PINX1: variants seen among roughly 807,000 people sequenced by gnomAD.
PINX1 encodes PIN2 (TERF1) interacting telomerase inhibitor 1.
A neutral mutation model predicts 25.4 loss-of-function variants in PINX1; 34 were observed. That is an observed-to-expected ratio of 1.34 (90% CI 1.02 to 1.78). The LOEUF (loss-of-function observed/expected upper bound fraction) is 1.78, where lower values mean the gene tolerates loss of function less well. PINX1 is among the 40% of genes most tolerant of loss of function. The probability of loss-of-function intolerance (pLI) is 0.00; values close to 1 mark genes in which losing one functional copy is unlikely to be tolerated. For synonymous variants in PINX1, 197 were observed against 147.7 expected (o/e 1.33, Z -2.42); for missense variants, 592 against 404.9 (o/e 1.46, Z -3.97).
At chr8:10,807,752 A>T (rs1586177359) in intron 6 of PINX1, among the ~76,000 whole-genome samples, 1 of 152,244 alleles carries the variant, frequency 6.6e-6, no homozygotes. Flanking sequence ...CAGTATTAAT[A>T]GAGATTTTCA....
chr8:10,766,006 C>T (rs1490904778), intron 6 of PINX1, 90 bp from the exon 7 acceptor site: 28 of 1,293,864 alleles, frequency 2.2e-5, no homozygotes, highest in Non-Finnish European at 3.0e-5. Context: ...GGCGCTCACA[C>T]CTGGCACCCA....
At chr8:10,785,498 AAC>A (rs1379101759) in intron 6 of PINX1, among the ~76,000 whole-genome samples, 1 of 152,208 alleles carries the variant, frequency 6.6e-6, no homozygotes, top group Non-Finnish European at 1.5e-5. Context: ...TACTATAAAA[AAC>A]ACTTTCAGGT....
At chr8:10,774,074 T>C (rs897114337) in intron 6 of PINX1, among the ~76,000 whole-genome samples, 6 of 152,180 alleles carry the variant, frequency 3.9e-5, no homozygotes, top group African/African-American at 1.4e-4. Flanking sequence ...ACAGCTTTGA[T>C]AAACAGCTGA....
chr8:10,771,720 C>T (rs1233302302), intron 6 of PINX1, among the ~76,000 whole-genome samples: 4 of 152,228 alleles, frequency 2.6e-5, no homozygotes, highest in Non-Finnish European at 5.9e-5. Context: ...CTTGTCTGCA[C>T]ATCAGGCAGG....
chr8:10,826,631 C>A (rs1238130771), intron 4 of PINX1, among the ~76,000 whole-genome samples: 1 of 152,214 alleles, frequency 6.6e-6, no homozygotes, highest in East Asian at 1.9e-4. Context: ...AACAGCTGAG[C>A]AACCCCTGGG....
chr8:10,765,576 T>G lies in PINX1; in HGVS notation c.812A>C (p.Lys271Thr). The G allele has an allele frequency of 6.2e-7, 1 of 1,613,762 alleles. No homozygotes were observed. Among genetic ancestry groups the G allele is most frequent in the Non-Finnish European group, 8.5e-7 (1 of 1,179,874 alleles). ...LRGPCWDQSS[K>T]ASAQDAGDHV... ...GTCCCCTGCATCCTGAGCAGAGGCC[T>G]TGGAACTCTGGTCCCAGCAGGGGCC... The change falls in exon 7 of 7, where the codon AAG becomes ACG. Residue 271 changes from lysine (K) to threonine (T), a missense_variant. Coordinates refer to ENST00000314787, the MANE Select transcript of PINX1 (RefSeq NM_017884.6).
In PINX1 at chr8:10,831,540, T is replaced by C. The variant is rs6991526; in HGVS notation, c.301+125A>G. 0.38 allele frequency: 254,951 copies of C among 674,466 alleles called. 52,650 individuals are homozygous for C. Among genetic ancestry groups the C allele is most frequent in the African/African-American group, 0.67 (37,619 of 56,444 alleles). The allele number at this position is 674,466 out of a possible 1,614,324, so 41.8% of individuals were successfully genotyped here. A position where few individuals can be genotyped will look rare whatever the true frequency, so the allele number is the denominator to read the frequency against. Reference sequence around the variant, plus strand: ...GTACATTACAAATTGTGCACAGGTATTGACATATCACACTATACTCAATAA... The same window carrying C: ...GTACATTACAAATTGTGCACAGGTACTGACATATCACACTATACTCAATAA... On this transcript the variant is annotated intron_variant, in intron 4 of 6. Coordinates refer to ENST00000314787, the MANE Select transcript of PINX1 (RefSeq NM_017884.6).
intron 6 of PINX1, among the ~76,000 whole-genome samples, chr8:10,798,600 C>T (rs868599592): frequency 1.3e-5 from 2 of 152,202 alleles, no homozygotes; most frequent in Non-Finnish European, 2.9e-5. Flanking sequence ...AAAGCTGCAC[C>T]GATGGCCGTT....
At chr8:10,837,592 A>C (rs994797771) in intron 1 of PINX1, among the ~76,000 whole-genome samples, 2 of 152,218 alleles carry the variant, frequency 1.3e-5, no homozygotes, top group Admixed American at 6.5e-5. Flanking sequence ...AATGCCCTGA[A>C]TCTGCAGAAT....
intron 6 of PINX1, among the ~76,000 whole-genome samples, chr8:10,811,050 T>A (rs1436951180): frequency 1.3e-5 from 2 of 152,250 alleles, no homozygotes; most frequent in Non-Finnish European, 2.9e-5. Flanking sequence ...GTGACGACAG[T>A]GGTCTCAACA....
At chr8:10,822,085 T>C (rs928808058) in intron 5 of PINX1, 1 of 152,206 alleles carries the variant, frequency 6.6e-6, no homozygotes, top group African/African-American at 2.4e-5. Flanking sequence ...TAAGTAAATG[T>C]AGAAACCAGG....
At chr8:10,768,597 T>G (rs542336144) in intron 6 of PINX1, among the ~76,000 whole-genome samples, 4 of 152,152 alleles carry the variant, frequency 2.6e-5, no homozygotes, top group Admixed American at 6.5e-5. Context: ...CCCAGCAAAG[T>G]GCTGGCCACA....
chr8:10,803,870 G>A (rs1020875397), intron 6 of PINX1, among the ~76,000 whole-genome samples: 4 of 152,182 alleles, frequency 2.6e-5, no homozygotes, highest in African/African-American at 9.7e-5. Context: ...CTGGATTTTA[G>A]TAGGAAGGAG....
intron 6 of PINX1, among the ~76,000 whole-genome samples, chr8:10,811,068 C>G (rs13280573): frequency 0.087 from 13,232 of 152,308 alleles, 801 homozygotes; most frequent in African/African-American, 0.17. Context: ...ACAGCAGCAG[C>G]AGCTAAGCTG....
intron 6 of PINX1, among the ~76,000 whole-genome samples, chr8:10,774,820 T>C (rs1171294942): frequency 6.6e-6 from 1 of 152,214 alleles, no homozygotes; most frequent in Admixed American, 6.5e-5. Flanking sequence ...ATTTGAGAAA[T>C]ATTTTTAGGA....
At chr8:10,774,085 G>C (rs955500057) in intron 6 of PINX1, among the ~76,000 whole-genome samples, 1 of 152,188 alleles carries the variant, frequency 6.6e-6, no homozygotes, top group Non-Finnish European at 1.5e-5. Context: ...AAACAGCTGA[G>C]ACCCAGCACT....
At chr8:10,776,633 G>C (rs1418208521) in intron 6 of PINX1, among the ~76,000 whole-genome samples, 1 of 152,048 alleles carries the variant, frequency 6.6e-6, no homozygotes, top group African/African-American at 2.4e-5. Flanking sequence ...TGCTAACTGG[G>C]TCCTCTTGAG....
chr8:10,814,888 G>T (rs561678869), intron 6 of PINX1, among the ~76,000 whole-genome samples: 1 of 152,216 alleles, frequency 6.6e-6, no homozygotes, highest in Non-Finnish European at 1.5e-5. Flanking sequence ...GCTAGCCAGT[G>T]TATGCCACAA....
chr8:10,830,859 T>C (rs1244998598), intron 4 of PINX1, among the ~76,000 whole-genome samples: 7 of 152,198 alleles, frequency 4.6e-5, no homozygotes, highest in East Asian at 1.9e-4. Context: ...TTATGCACTG[T>C]TGATGTAGCC....
Sources: gnomAD v4.1 joint callset for allele counts (sites outside exome capture counted in the v4.1 genomes callset) on GRCh38, gnomAD v4.1.1 for gene constraint, MANE v1.5 for transcripts, NCBI Gene and HGNC (gene_info 2026-07-23, HGNC 2026-07-21) for gene names.